The following PRH1 variants were observed in gnomAD, a reference collection of about 807,000 sequenced individuals.
The protein encoded by PRH1 is proline rich protein HaeIII subfamily 1.
In PRH1, 7 loss-of-function variants were observed where a neutral mutation model predicts 7.9. The ratio of observed to expected loss-of-function variants is 0.89; its 90% confidence interval spans 0.50 to 1.67. The LOEUF is 1.67. Ranked by LOEUF, PRH1 falls within the 40% of genes most tolerant of loss-of-function variation. The probability of loss-of-function intolerance (pLI) is 0.00; values close to 1 mark genes in which losing one functional copy is unlikely to be tolerated. For synonymous variants in PRH1, 45 were observed against 80.8 expected (o/e 0.56, Z 2.38); for missense variants, 109 against 223.6 (o/e 0.49, Z 3.27).
chr12:10,956,815 T>C (rs921014276), intron 2 of PRH1, among the ~76,000 whole-genome samples: 1 of 151,864 alleles, frequency 6.6e-6, no homozygotes, highest in Non-Finnish European at 1.5e-5. Context: ...CCTTTCACAA[T>C]AGTCCCAAAA....
chr12:11,158,600 G>T (rs1490944696), intron 1 of PRH1, among the ~76,000 whole-genome samples: 1 of 152,042 alleles, frequency 6.6e-6, no homozygotes, highest in Admixed American at 6.6e-5. Flanking sequence ...CCTTGAATCA[G>T]ACATTATGTC....
Position 11,168,213 on chromosome 12 carries a change from G to GGAAAGA in PRH1, n.39+3208_39+3209insTCTTTC, listed in dbSNP as rs1555178216. On this transcript the variant is annotated intron_variant and non_coding_transcript_variant, in intron 1 of 1. Coordinates refer to the PRH1 transcript ENST00000541175. Reference sequence around the variant, plus strand: ...CATGGCAAAAAACGAAAGAAAGAAAGAAGAAAGAAAGAAAGAAAGAAAGAA... The same window carrying GGAAAGA: ...CATGGCAAAAAACGAAAGAAAGAAAGGAAAGAAAGAAAGAAAGAAAGAAAGAAAGAA... Among the ~76,000 whole-genome samples the GGAAAGA allele has an allele frequency of 1.0e-4, 2 of 19,622 alleles. 1 individual carries two copies. Among genetic ancestry groups the GGAAAGA allele is most frequent in the Non-Finnish European group, 2.4e-4 (2 of 8,196 alleles). 12.9% of individuals were successfully genotyped at this position (19,622 alleles called of 152,430 possible).
intron 1 of PRH1, among the ~76,000 whole-genome samples, chr12:11,156,739 A>G (rs574253658): frequency 3.9e-5 from 6 of 152,328 alleles, no homozygotes; most frequent in Non-Finnish European, 8.8e-5. Context: ...TAAAATACTC[A>G]TAATACCAAA....
At chr12:11,132,209 T>A (rs796728975) in intron 1 of PRH1, among the ~76,000 whole-genome samples, 1 of 71,458 alleles carries the variant, frequency 1.4e-5, no homozygotes, top group African/African-American at 4.2e-5. Flanking sequence ...CATTTAATCA[T>A]TGACAACAAA....
At chr12:11,067,466 G>A (rs79725339) in intron 1 of PRH1, among the ~76,000 whole-genome samples, 31,893 of 151,564 alleles carry the variant, frequency 0.21, 3,995 homozygotes, top group Non-Finnish European at 0.27. Context: ...GTGTTTAGCT[G>A]TCATAAATAT....
intron 2 of PRH1, among the ~76,000 whole-genome samples, chr12:10,942,577 C>T (rs1274011895): frequency 6.6e-6 from 1 of 152,182 alleles, no homozygotes; most frequent in African/African-American, 2.4e-5. Flanking sequence ...CAATGGCACC[C>T]TGTCTGTTTC....
chr12:11,147,755 TG>T (rs1282686440), intron 1 of PRH1, among the ~76,000 whole-genome samples: 1 of 152,224 alleles, frequency 6.6e-6, no homozygotes, highest in Non-Finnish European at 1.5e-5. Flanking sequence ...GTTCTACAGA[TG>T]TTAAAGAGCA....
At chr12:10,892,441 G>C (rs914590845) in intron 2 of PRH1, among the ~76,000 whole-genome samples, 1 of 152,142 alleles carries the variant, frequency 6.6e-6, no homozygotes, top group Non-Finnish European at 1.5e-5. Context: ...CCAGAGGTAA[G>C]GGGGACAGGA....
intron 2 of PRH1, among the ~76,000 whole-genome samples, chr12:10,925,237 C>T (rs968428322): frequency 6.6e-6 from 1 of 152,164 alleles, no homozygotes; most frequent in African/African-American, 2.4e-5. Flanking sequence ...GCTCAGATAA[C>T]ACCTTAGTAA....
intron 1 of PRH1, among the ~76,000 whole-genome samples, chr12:11,042,623 CTTTTTT>C (rs71051557): frequency 2.9e-4 from 23 of 79,306 alleles, no homozygotes; most frequent in Non-Finnish European, 3.7e-4. Flanking sequence ...CAGGCTCATT[CTTTTTT>C]TTTTTTTTTT....
chr12:11,155,029 A>G (rs1295636587), intron 1 of PRH1, among the ~76,000 whole-genome samples: 2 of 152,196 alleles, frequency 1.3e-5, no homozygotes, highest in East Asian at 3.8e-4. Context: ...TTAATTGTAG[A>G]GTTTTAATAG....
upstream of PRH1, among the ~76,000 whole-genome samples, chr12:11,051,294 T>C (rs1943131139): frequency 6.6e-6 from 1 of 152,070 alleles, no homozygotes; most frequent in African/African-American, 2.4e-5. Flanking sequence ...AAATTTTCAG[T>C]AGTCACAACT....
At chr12:11,009,806 T>G (rs1222376593) in intron 1 of PRH1, among the ~76,000 whole-genome samples, 3 of 151,950 alleles carry the variant, frequency 2.0e-5, no homozygotes, top group Non-Finnish European at 2.9e-5. Flanking sequence ...CAAAATGCAA[T>G]TCCAATAAAT....
chr12:10,986,468 C>T (rs1399595410), intron 1 of PRH1: 1 of 1,614,050 alleles, frequency 6.2e-7, no homozygotes, highest in East Asian at 2.2e-5. Flanking sequence ...CCAACAGTAT[C>T]ACCAGAATGA....
At chr12:10,980,608 C>T (rs747631953) in intron 1 of PRH1, among the ~76,000 whole-genome samples, 54 of 152,088 alleles carry the variant, frequency 3.6e-4, no homozygotes, top group Middle Eastern at 3.4e-3. Flanking sequence ...CAGCCTTATT[C>T]CTCTCTATTG....
intron 2 of PRH1, among the ~76,000 whole-genome samples, chr12:10,951,787 G>T (rs892033328): frequency 2.0e-5 from 3 of 152,112 alleles, no homozygotes; most frequent in African/African-American, 7.2e-5. Flanking sequence ...CTCTGTATAT[G>T]AATATTTGGA....
intron 1 of PRH1, among the ~76,000 whole-genome samples, chr12:11,140,084 T>C (rs1946661990): frequency 6.6e-6 from 1 of 151,938 alleles, no homozygotes; most frequent in Non-Finnish European, 1.5e-5. Context: ...CATATTTATT[T>C]ATATTTCATT....
At chr12:11,030,168 GAAA>G (rs568648110) in intron 1 of PRH1, among the ~76,000 whole-genome samples, 1 of 87,318 alleles carries the variant, frequency 1.1e-5, no homozygotes, top group Non-Finnish European at 2.8e-5. Context: ...CAGTTTGTAT[GAAA>G]AAAACAGAAA....
chr12:11,037,457 A>G (rs1942482277), intron 1 of PRH1, among the ~76,000 whole-genome samples: 1 of 152,378 alleles, frequency 6.6e-6, no homozygotes, highest in Admixed American at 6.5e-5. Flanking sequence ...TTACAGGTGT[A>G]CATGTGAATA....
Sources: allele counts gnomAD v4.1 joint callset (sites outside exome capture counted in the v4.1 genomes callset), GRCh38; gene constraint gnomAD v4.1.1; transcripts MANE v1.5; gene names NCBI Gene and HGNC (gene_info 2026-07-23, HGNC 2026-07-21).